Variants in SUZ12 observed in about 807,000 individuals in gnomAD.
SUZ12 encodes the protein polycomb protein SUZ12.
SUZ12 carries 17 observed loss-of-function variants against 87.3 expected under a neutral mutation model. The ratio of observed to expected loss-of-function variants is 0.19; its 90% CI spans 0.13 to 0.29. The LOEUF is 0.29. Among genes scored for constraint, SUZ12 ranks in the 10% least tolerant of loss-of-function variants. The pLI is 1.00. For synonymous variants in SUZ12, 253 were observed against 312.4 expected, an observed-to-expected ratio of 0.81 and a Z score of 2.01; for missense variants, 526 against 912.2, an observed-to-expected ratio of 0.58 and a Z score of 5.45.
chr17:31,967,303 C>T (rs888916518), intron 5 of SUZ12: 3 of 151,476 alleles, frequency 2.0e-5, no homozygotes, highest in Non-Finnish European at 2.9e-5. Flanking sequence ...TTATTAGAAA[C>T]ATGCCAGGTT....
intron 9 of SUZ12, among the ~76,000 whole-genome samples, chr17:31,987,512 A>T (rs1316211331): frequency 3.9e-5 from 6 of 152,226 alleles, no homozygotes; most frequent in Non-Finnish European, 7.3e-5. Context: ...TTGTCAGTGA[A>T]ACTGAGAGAA....
At chr17:31,979,540 A>G (rs1908973916) in intron 8 of SUZ12, among the ~76,000 whole-genome samples, 1 of 152,114 alleles carries the variant, frequency 6.6e-6, no homozygotes, top group Non-Finnish European at 1.5e-5. Context: ...TTCCCCCAGT[A>G]TAGGCCTGTA....
Position 31,998,849 on chromosome 17 carries a change from A to G in SUZ12, c.2066A>G (p.Glu689Gly), listed in dbSNP as rs557229254. Residue 689 changes from glutamate to glycine, a missense_variant, in exon 16 of 16, where the codon GAA becomes GGA. Glu to Gly is a moderately conservative substitution (Grantham distance 98, BLOSUM62 -2). Coordinates refer to ENST00000322652, the MANE Select transcript of SUZ12 (RefSeq NM_015355.4). ...TKLREMQQKL[E>G]KGESASPANE... ...CTCCGTGAAATGCAGCAAAAATTAG[A>G]AAAGGGGGAATCTGCTTCCCCTGCA... The G allele has an allele frequency of 1.9e-6, 3 of 1,613,598 alleles. No homozygotes were observed. The highest frequency in any genetic ancestry group is 1.3e-5 in the African/African-American group (1 of 75,034).
rs1261008325 is a variant in SUZ12, at chr17:31,937,436, G to A, written c.190G>A (p.Ala64Thr). ...CTCCTCCTCCTCCGCGGCGGCAGCG[G>A]CGGGGGCTGCGGTGTTACCGGTGAA... ...ASSSSSAAAAAGAAVLPVKKP... is the reference protein window; with the variant it reads ...ASSSSSAAAATGAAVLPVKKP... The change falls in exon 1 of 16, where the codon GCG becomes ACG. Residue 64 changes from alanine (A) to threonine (T), a missense_variant. Physicochemically the swap from Ala to Thr is moderately conservative, Grantham distance 58. Coordinates refer to ENST00000322652, the MANE Select transcript of SUZ12 (RefSeq NM_015355.4). 4 of 1,541,236 alleles carry A rather than the reference G, an allele frequency of 2.6e-6. No homozygotes were observed. The highest frequency in any genetic ancestry group is 1.7e-6 in the Non-Finnish European group (2 of 1,144,780).
chr17:31,977,169 A>T (rs1190018584), intron 8 of SUZ12, among the ~76,000 whole-genome samples: 1 of 151,990 alleles, frequency 6.6e-6, no homozygotes, highest in Non-Finnish European at 1.5e-5. Flanking sequence ...CCAGCTACAT[A>T]GGAGGCTAAG....
At chr17:31,994,142 TG>T (rs1324112718) in intron 12 of SUZ12, 134 bp downstream of exon 12, 2 of 819,120 alleles carry the variant, frequency 2.4e-6, no homozygotes, top group Non-Finnish European at 3.6e-6. Context: ...CAAGATAGCA[TG>T]ACTTTCAAAA....
rs148787933 is a variant in SUZ12, at chr17:31,992,352, A to G, written c.1202-890A>G. Among the ~76,000 whole-genome samples, 4 of 152,188 alleles carry G rather than the reference A, an allele frequency of 2.6e-5. No individual in the cohort carries two copies. The East Asian group carries it at 7.7e-4, about 29-fold the overall frequency. On this transcript the variant is annotated intron_variant, in intron 10 of 15. Coordinates refer to ENST00000322652, the MANE Select transcript of SUZ12 (RefSeq NM_015355.4). ...TTAAAACAGCATGGTAATGACATAT[A>G]ATTACTTGGAGTTACTTTTATAATT...
chr17:31,960,777 C>T (rs1907662414), intron 4 of SUZ12, among the ~76,000 whole-genome samples: 1 of 152,100 alleles, frequency 6.6e-6, no homozygotes, highest in South Asian at 2.1e-4. Flanking sequence ...CAAGGTTTCA[C>T]CATGTTGGCC....
intron 4 of SUZ12, among the ~76,000 whole-genome samples, chr17:31,956,612 C>G (rs995610323): frequency 3.3e-5 from 5 of 152,162 alleles, no homozygotes; most frequent in African/African-American, 1.2e-4. Context: ...GCTCTTCGGT[C>G]ACTTCAGAAC....
intron 4 of SUZ12, among the ~76,000 whole-genome samples, chr17:31,954,234 T>C (rs779402118): frequency 6.6e-6 from 1 of 152,106 alleles, no homozygotes; most frequent in Non-Finnish European, 1.5e-5. Context: ...GGTTAACTTT[T>C]GTATTTTTGG....
intron 4 of SUZ12, among the ~76,000 whole-genome samples, chr17:31,961,424 G>C (rs1366577810): frequency 6.6e-6 from 1 of 152,060 alleles, no homozygotes; most frequent in Non-Finnish European, 1.5e-5. Context: ...GCGGACACCT[G>C]TAATCCCAGC....
intron 7 of SUZ12, among the ~76,000 whole-genome samples, chr17:31,976,138 C>A (rs1332159073): frequency 6.6e-6 from 1 of 152,026 alleles, no homozygotes; most frequent in East Asian, 1.9e-4. Flanking sequence ...TGAAATATAT[C>A]ATTGCAGCAA....
intron 4 of SUZ12, among the ~76,000 whole-genome samples, chr17:31,951,869 G>A (rs2142135897): frequency 6.6e-6 from 1 of 150,472 alleles, no homozygotes; most frequent in African/African-American, 2.4e-5. Flanking sequence ...CTGTCCCCCA[G>A]GTTCAAGAGA....
chr17:31,937,171 GC>G lies in SUZ12; in HGVS notation c.-75del. 7.9e-7 allele frequency: 1 copy of G among 1,270,488 alleles called. No individual in the cohort carries two copies. Among genetic ancestry groups the G allele is most frequent in the Non-Finnish European group, 1.0e-6 (1 of 983,826 alleles). The allele number at this position is 1,270,488 out of a possible 1,614,324, so 78.7% of individuals were successfully genotyped here. ...GGTCCGCCGGAGCCTGCTGGGGCGA[GC>G]GGTTGGTATTGCAGGCGCTTGCTCT... On this transcript the variant is annotated 5_prime_UTR_variant, in exon 1 of 16. Coordinates refer to ENST00000322652, the MANE Select transcript of SUZ12 (RefSeq NM_015355.4).
At chr17:31,975,781 T>C (rs561020538) in intron 7 of SUZ12, 68 bp downstream of exon 7, 1 of 1,248,438 alleles carries the variant, frequency 8.0e-7, no homozygotes, top group Non-Finnish European at 1.1e-6. Flanking sequence ...ATTGTACCAG[T>C]GTTCCTTCAT....
rs191177625 is a variant in SUZ12 at position 31,990,761 on chromosome 17, T to A, written c.1201+2264T>A. Among the ~76,000 whole-genome samples, 11 of 152,238 alleles carry A rather than the reference T, an allele frequency of 7.2e-5. No homozygotes were observed. The East Asian group carries it at 2.1e-3, about 29-fold the overall frequency. On this transcript the variant is annotated intron_variant, in intron 10 of 15. Coordinates refer to ENST00000322652, the MANE Select transcript of SUZ12 (RefSeq NM_015355.4). ...TTCTATCATTTTTATTTTACTTTTT[T>A]TTTTGAGACAGGGTTTCTCTCTCTC...
intron 3 of SUZ12, among the ~76,000 whole-genome samples, chr17:31,945,275 A>G (rs939863408): frequency 2.6e-5 from 4 of 152,106 alleles, no homozygotes; most frequent in Admixed American, 6.6e-5. Context: ...TACTATTACA[A>G]CAACATAATA....
At chr17:31,977,500 G>A (rs1361425743) in intron 8 of SUZ12, among the ~76,000 whole-genome samples, 2 of 151,934 alleles carry the variant, frequency 1.3e-5, no homozygotes, top group Admixed American at 6.5e-5. Flanking sequence ...GAATGGTGTC[G>A]GTCTCCTCAT....
chr17:31,942,774 A>G (rs1457135031), intron 3 of SUZ12, among the ~76,000 whole-genome samples: 13 of 152,226 alleles, frequency 8.5e-5, no homozygotes, highest in Admixed American at 8.5e-4. Context: ...GCTGTGTAAC[A>G]TTTAGTACTT....
Sources: gnomAD v4.1 joint callset for allele counts (sites outside exome capture counted in the v4.1 genomes callset) on GRCh38, gnomAD v4.1.1 for gene constraint, MANE v1.5 for transcripts, NCBI Gene and HGNC (gene_info 2026-07-23, HGNC 2026-07-21) for gene names.